SNX11: variants seen among roughly 807,000 people sequenced by gnomAD.
SNX11 encodes the protein sorting nexin 11.
A neutral mutation model predicts 30.7 loss-of-function variants in SNX11; 19 were observed. The observed-to-expected ratio is 0.62, with a 90% confidence interval of 0.43 to 0.91. The LOEUF (loss-of-function observed/expected upper bound fraction) is 0.91, where lower values mean the gene tolerates loss of function less well. Ranked by LOEUF, SNX11 falls within the 40% of genes least tolerant of loss-of-function variation. The pLI, the probability that SNX11 is intolerant of heterozygous loss-of-function variation, is 0.00. For missense variants in SNX11, 302 were observed against 326.7 expected, an observed-to-expected ratio of 0.92 and a Z score of 0.58; for synonymous variants, 112 against 119.0, an observed-to-expected ratio of 0.94 and a Z score of 0.38.
chr17:48,113,038 A>T (rs1221454977), intron 3 of SNX11, among the ~76,000 whole-genome samples: 1 of 152,148 alleles, frequency 6.6e-6, no homozygotes, highest in Non-Finnish European at 1.5e-5. Context: ...GTGCAGGTCA[A>T]GGTGTAACCT....
intron 4 of SNX11, among the ~76,000 whole-genome samples, chr17:48,115,064 CTTT>C (rs1239738711): frequency 1.6e-5 from 2 of 123,168 alleles, no homozygotes; most frequent in Non-Finnish European, 1.8e-5. Flanking sequence ...CGCCTTTTTT[CTTT>C]TTTTTTTTTT....
In SNX11 at chr17:48,121,501, A is replaced by G; in HGVS notation, c.806A>G (p.Glu269Gly). The change falls in exon 7 of 7, where the codon GAA becomes GGA. Residue 269 changes from glutamate (E) to glycine (G), a missense_variant. Transcript: ENST00000359238. ...LDPGQLETVL[E>G]K Reference sequence around the variant, plus strand: ...CCTGGTCAGTTAGAAACAGTTTTGGAAAAGTGAGCTCTGGGTTCTGCTCTG... The same window carrying G: ...CCTGGTCAGTTAGAAACAGTTTTGGGAAAGTGAGCTCTGGGTTCTGCTCTG... 1 of 1,613,356 alleles carries G rather than the reference A, an allele frequency of 6.2e-7. No individual in the cohort carries two copies.
intron 3 of SNX11, chr17:48,112,910 A>AT (rs1196747658): frequency 2.9e-5 from 8 of 274,470 alleles, no homozygotes; most frequent in South Asian, 2.7e-4. Flanking sequence ...TTGAATATAT[A>AT]TTTTTTTAGT....
intron 1 of SNX11, among the ~76,000 whole-genome samples, chr17:48,109,147 G>C (rs571417162): frequency 2.8e-4 from 43 of 151,342 alleles, no homozygotes; most frequent in Admixed American, 2.7e-3. Context: ...TGGCCAGGCT[G>C]TTCTTGAACT....
intron 4 of SNX11, among the ~76,000 whole-genome samples, chr17:48,115,610 A>ATT (rs140089442): frequency 2.9e-3 from 441 of 151,880 alleles, no homozygotes; most frequent in African/African-American, 0.01. Context: ...AAAAATAATG[A>ATT]TTTTTTTTTC....
Position 48,112,673 on chromosome 17 carries a change from A to G in SNX11, c.129+13A>G, listed in dbSNP as rs768098972. ...GATATTCCTCCATGTGAGTACATCA[A>G]GCTTCTGTATTGGGGTCAGCGCTCT... is the stretch of plus-strand genomic sequence containing the variant. On this transcript the variant is annotated intron_variant, in intron 3 of 6. Coordinates refer to ENST00000359238, the MANE Select transcript of SNX11 (RefSeq NM_013323.3). 2.5e-6 allele frequency: 4 copies of G among 1,586,792 alleles called. No individual in the cohort carries two copies. Among genetic ancestry groups the G allele is most frequent in the Non-Finnish European group, 2.6e-6 (3 of 1,156,278 alleles).
intron 4 of SNX11, among the ~76,000 whole-genome samples, chr17:48,117,884 C>T (rs2063561165): frequency 6.6e-6 from 1 of 152,050 alleles, no homozygotes; most frequent in Non-Finnish European, 1.5e-5. Context: ...CACAGTGGCA[C>T]GTACCGGTAG....
intron 1 of SNX11, chr17:48,110,996 C>A: frequency 1.4e-6 from 1 of 701,846 alleles, no homozygotes; most frequent in Non-Finnish European, 1.8e-6. Context: ...CGTGAACTGC[C>A]ACATTGGGGA....
chr17:48,117,686 C>T (rs2063559622), intron 4 of SNX11, among the ~76,000 whole-genome samples: 1 of 152,042 alleles, frequency 6.6e-6, no homozygotes, highest in Non-Finnish European at 1.5e-5. Context: ...ACCATGGCAC[C>T]AAGCTGGGAG....
chr17:48,111,744 C>T (rs1196968659), intron 1 of SNX11, among the ~76,000 whole-genome samples: 3 of 151,914 alleles, frequency 2.0e-5, no homozygotes, highest in Non-Finnish European at 4.4e-5. Context: ...CCCGCCTGTT[C>T]TGGCTGCGTG....
At chr17:48,116,756 C>T (rs1435409051) in intron 4 of SNX11, among the ~76,000 whole-genome samples, 2 of 149,986 alleles carry the variant, frequency 1.3e-5, no homozygotes, top group Non-Finnish European at 3.0e-5. Flanking sequence ...TTAGTAGAGT[C>T]GGGGTTTCAC....
At chr17:48,119,932 C>T (rs372820520) in intron 6 of SNX11, among the ~76,000 whole-genome samples, 2 of 152,300 alleles carry the variant, frequency 1.3e-5, no homozygotes, top group African/African-American at 2.4e-5. Flanking sequence ...CCCTCCCCCC[C>T]AGCTCCTGGC....
Position 48,121,790 on chromosome 17 carries a change from C to T in SNX11, c.*282C>T. Reference sequence around the variant, plus strand: ...TCCTGGGATCTGAGTTTCTGCAGGTCATTTGTATGTAGGACCAGGAGTATC... The same window carrying T: ...TCCTGGGATCTGAGTTTCTGCAGGTTATTTGTATGTAGGACCAGGAGTATC... On this transcript the variant is annotated 3_prime_UTR_variant, in exon 7 of 7. Coordinates refer to ENST00000359238, the MANE Select transcript of SNX11 (RefSeq NM_013323.3). 2.6e-6 allele frequency: 1 copy of T among 382,882 alleles called. No homozygotes were observed. 23.7% of individuals were successfully genotyped at this position (382,882 alleles called of 1,614,324 possible).
rs1225341435 is a variant in SNX11 at position 48,119,180 on chromosome 17, C to T, written c.533C>T (p.Pro178Leu). The T allele has an allele frequency of 2.5e-6, 4 of 1,612,856 alleles. No individual in the cohort carries two copies. The East Asian group carries it at 8.9e-5, about 36-fold the overall frequency. The change falls in exon 6 of 7, where the codon CCT becomes CTT. Residue 178 changes from proline (P) to leucine (L), a missense_variant. Transcript: ENST00000359238. ...SSSHLAKGDQPKSCCFLPRSG... is the reference protein window; with the variant it reads ...SSSHLAKGDQLKSCCFLPRSG... ...TCTCACCTGGCTAAAGGAGACCAGC[C>T]TAAGAGGTAACTGGAGTACTCTTTG...
chr17:48,112,600 C>T lies in SNX11; in HGVS notation c.69C>T (p.Asp23=), dbSNP rs373577504. Residue 23 remains aspartate, a synonymous_variant, in exon 3 of 7, where the codon GAC becomes GAT. Transcript: ENST00000359238. ...QEEVITVRVQ[D]PRVQNEGSWN... is the part of the protein sequence containing the mutation. Reference sequence around the variant, plus strand: ...AGGTGATTACAGTGCGTGTTCAGGACCCCCGAGTGCAGAATGAGGGCTCCT... The same window carrying T: ...AGGTGATTACAGTGCGTGTTCAGGATCCCCGAGTGCAGAATGAGGGCTCCT... 164 of 1,612,500 alleles carry T rather than the reference C, an allele frequency of 1.0e-4. No individual in the cohort carries two copies. The highest frequency in any genetic ancestry group is 1.4e-4 in the Non-Finnish European group (161 of 1,178,880).
At position 48,107,777 on chromosome 17, in the gene SNX11, G is replaced by C. The variant is rs1187068921; in HGVS notation, c.-75G>C. 2.0e-5 allele frequency: 3 copies of C among 152,478 alleles called. No individual in the cohort carries two copies. The allele number at this position is 152,478 out of a possible 1,614,324, so 9.4% of individuals were successfully genotyped here. A position where few individuals can be genotyped will look rare whatever the true frequency, so the allele number is the denominator to read the frequency against. ...GGCGACTCACCCGGAAGGAGAAGCC[G>C]TGATCTGGCTATATGGTGGGGCGCG... On this transcript the variant is annotated 5_prime_UTR_variant, in exon 1 of 7. Coordinates refer to ENST00000359238, the MANE Select transcript of SNX11 (RefSeq NM_013323.3).
At chr17:48,119,212 C>T in intron 6 of SNX11, 26 bp downstream of exon 6, 1 of 1,569,764 alleles carries the variant, frequency 6.4e-7, no homozygotes, top group African/African-American at 1.3e-5. Flanking sequence ...TTTGAGATAG[C>T]AGGGGCTAGG....
intron 1 of SNX11, 118 bp downstream of exon 1, chr17:48,107,956 ACT>A (rs2063453135): frequency 6.6e-6 from 1 of 151,852 alleles, no homozygotes; most frequent in African/African-American, 2.4e-5. Context: ...CTAGGGAGGG[ACT>A]CTCTTACCAC....
At position 48,118,779 on chromosome 17, in the gene SNX11, T is replaced by C. The variant is rs748431310; in HGVS notation, c.306T>C (p.Gly102=). The C allele has an allele frequency of 6.2e-7, 1 of 1,613,944 alleles. No homozygotes were observed. Among genetic ancestry groups the C allele is most frequent in the Non-Finnish European group, 8.5e-7 (1 of 1,179,906 alleles). ...AGTTCATTGAGAAGCGACGACAAGG[T>C]CTGCAGCACTTCCTTGAAAAGTGAG... ...SDEFIEKRRQ[G]LQHFLEKVLQ... is the part of the protein sequence containing the mutation. Residue 102 remains glycine (G), a synonymous_variant, in exon 5 of 7, where the codon GGT becomes GGC. Coordinates refer to ENST00000359238, the MANE Select transcript of SNX11 (RefSeq NM_013323.3).
Sources: allele counts gnomAD v4.1 joint callset (sites outside exome capture counted in the v4.1 genomes callset), GRCh38; gene constraint gnomAD v4.1.1; transcripts MANE v1.5; gene names NCBI Gene and HGNC (gene_info 2026-07-23, HGNC 2026-07-21).